TENM4: variants seen among roughly 807,000 people sequenced by gnomAD.
TENM4 encodes the protein teneurin-4.
A neutral mutation model predicts 243.3 loss-of-function variants in TENM4; 82 were observed. That is an observed-to-expected ratio of 0.34 (90% CI 0.28 to 0.40). The LOEUF (loss-of-function observed/expected upper bound fraction) is 0.40. TENM4 is among the 10% of genes least tolerant of loss of function. The probability of loss-of-function intolerance (pLI) is 1.00; values close to 1 mark genes in which losing one functional copy is unlikely to be tolerated. For missense variants in TENM4, 3,138 were observed against 3,673.3 expected (o/e 0.85, Z 3.77); for synonymous variants, 1,412 against 1,456.3 (o/e 0.97, Z 0.69).
At chr11:79,047,677 C>T (rs1323970650) in intron 6 of TENM4, among the ~76,000 whole-genome samples, 1 of 152,102 alleles carries the variant, frequency 6.6e-6, no homozygotes, top group Admixed American at 6.6e-5. Flanking sequence ...GTCAAGGGGG[C>T]CTAGGGTAGT....
At chr11:79,166,164 T>TGACACTCCA (rs1164592792) in intron 3 of TENM4, among the ~76,000 whole-genome samples, 1 of 152,196 alleles carries the variant, frequency 6.6e-6, no homozygotes, top group Non-Finnish European at 1.5e-5. Flanking sequence ...GAATCACACT[T>TGACACTCCA]GACACTCCAT....
chr11:78,970,522 A>G (rs1158234846), intron 6 of TENM4, among the ~76,000 whole-genome samples: 1 of 152,236 alleles, frequency 6.6e-6, no homozygotes, highest in Non-Finnish European at 1.5e-5. Flanking sequence ...CTTTTAGGGC[A>G]GTAAAGTACA....
intron 6 of TENM4, among the ~76,000 whole-genome samples, chr11:79,013,572 C>T (rs1858702687): frequency 6.6e-6 from 1 of 152,220 alleles, no homozygotes; most frequent in South Asian, 2.1e-4. Context: ...TGGAATCTCA[C>T]ACTTCCTCTG....
chr11:78,658,440 T>A lies in TENM4; in HGVS notation c.7928A>T (p.Asn2643Ile). The change falls in exon 34 of 34, where the codon AAT becomes ATT. Residue 2643 changes from asparagine to isoleucine, a missense_variant. Asn to Ile is a moderately radical substitution (Grantham distance 149). Around this residue, in one of 2 missense-constraint regions of TENM4, gnomAD observed 2,467 missense variants for 3,059.1 expected, o/e 0.81. Transcript: ENST00000278550. ...CTGGGACACAGTGACGTTGACCCCA[T>A]TCTCCAGGGTTCGCCGCCCCCCACT... ...GLSGGRRTLE[N>I]GVNVTVSQIN... is the part of the protein sequence containing the mutation. 1 of 1,613,874 alleles carries A rather than the reference T, an allele frequency of 6.2e-7. No homozygotes were observed. Among genetic ancestry groups the A allele is most frequent in the Admixed American group, 1.7e-5 (1 of 60,018 alleles).
chr11:79,215,405 T>C (rs1451438297), intron 3 of TENM4, among the ~76,000 whole-genome samples: 1 of 152,158 alleles, frequency 6.6e-6, no homozygotes, highest in African/African-American at 2.4e-5. Context: ...GCTCAACACA[T>C]AGCCACCAGA....
chr11:79,161,215 C>T (rs1591323648), intron 3 of TENM4, among the ~76,000 whole-genome samples: 2 of 152,346 alleles, frequency 1.3e-5, no homozygotes, highest in South Asian at 2.1e-4. Context: ...GCAGCCACGC[C>T]AGTGTCTACT....
intron 6 of TENM4, among the ~76,000 whole-genome samples, chr11:79,045,931 CCA>C (rs1450426151): frequency 1.3e-5 from 2 of 152,200 alleles, no homozygotes; most frequent in African/African-American, 4.8e-5. Flanking sequence ...CACGTGTTCC[CCA>C]GTCACACATT....
chr11:78,670,404 G>T lies in TENM4; in HGVS notation c.5941C>A (p.Pro1981Thr). 6.2e-7 allele frequency: 1 copy of T among 1,613,980 alleles called. No homozygotes were observed. The highest frequency in any genetic ancestry group is 8.5e-7 in the Non-Finnish European group (1 of 1,179,896). The change falls in exon 32 of 34, where the codon CCC (proline) becomes ACC (threonine). Residue 1981 changes from proline to threonine, a missense_variant. Around this residue, in one of 2 missense-constraint regions of TENM4, gnomAD observed 2,467 missense variants for 3,059.1 expected, o/e 0.81. Transcript: ENST00000278550. ...SVGYYRNIYQ[P>T]PEGNASVIQD... is the part of the protein sequence containing the mutation. ...ATGACTGAGGCATTGCCCTCAGGGG[G>T]CTGATAGATGTTTCTGTAGTAGCCC...
chr11:79,137,771 T>C (rs1445058817), intron 4 of TENM4, among the ~76,000 whole-genome samples: 2 of 152,176 alleles, frequency 1.3e-5, no homozygotes, highest in East Asian at 3.8e-4. Flanking sequence ...CTTTATGTAA[T>C]AGCATTTGGG....
intron 3 of TENM4, among the ~76,000 whole-genome samples, chr11:79,209,539 A>T (rs1335930383): frequency 6.6e-6 from 1 of 152,202 alleles, no homozygotes; most frequent in East Asian, 1.9e-4. Flanking sequence ...CAGGAATAGT[A>T]ATGAAGCTAA....
intron 2 of TENM4, among the ~76,000 whole-genome samples, chr11:79,276,340 A>G (rs935866192): frequency 6.6e-6 from 1 of 152,238 alleles, no homozygotes; most frequent in Non-Finnish European, 1.5e-5. Flanking sequence ...GTGCCGGGCT[A>G]TGTCTGCCTG....
intron 15 of TENM4, among the ~76,000 whole-genome samples, chr11:78,794,719 TAGA>T (rs1252110515): frequency 3.3e-5 from 5 of 152,144 alleles, no homozygotes; most frequent in South Asian, 2.1e-4. Context: ...GCAGAAAATG[TAGA>T]AGGAGATTGA....
At position 78,664,036 on chromosome 11, in the gene TENM4, T is replaced by C. The variant is rs534596796; in HGVS notation, c.7409-2445A>G. Among the ~76,000 whole-genome samples the C allele has an allele frequency of 2.2e-3, 341 of 152,322 alleles. 2 individuals carry two copies. Among genetic ancestry groups the C allele is most frequent in the African/African-American group, 6.6e-3 (276 of 41,564 alleles). ...AAATCATAGGAAAGAACATGGTAGC[T>C]GAAGCAAGACAAACCCAGTGTCCAA... is the stretch of plus-strand genomic sequence containing the variant. On this transcript the variant is annotated intron_variant, in intron 32 of 33. Coordinates refer to ENST00000278550, the MANE Select transcript of TENM4 (RefSeq NM_001098816.3).
chr11:79,023,693 C>G (rs970918574), intron 6 of TENM4, among the ~76,000 whole-genome samples: 1 of 152,088 alleles, frequency 6.6e-6, no homozygotes, highest in Non-Finnish European at 1.5e-5. Context: ...TAAAAAGCTA[C>G]ATAGTAATTG....
chr11:78,800,229 T>C (rs986179753), intron 15 of TENM4, among the ~76,000 whole-genome samples: 43 of 151,416 alleles, frequency 2.8e-4, no homozygotes, highest in African/African-American at 1.0e-3. Context: ...ATGGGAGGAG[T>C]TGTTCTGCTC....
At chr11:78,936,893 A>T (rs1459818877) in intron 6 of TENM4, among the ~76,000 whole-genome samples, 3 of 152,184 alleles carry the variant, frequency 2.0e-5, no homozygotes, top group Admixed American at 2.0e-4. Context: ...GGTGGGGTTC[A>T]CTTATAAGGG....
chr11:79,071,493 G>A (rs1860414681), intron 4 of TENM4, among the ~76,000 whole-genome samples: 1 of 152,052 alleles, frequency 6.6e-6, no homozygotes, highest in Non-Finnish European at 1.5e-5. Flanking sequence ...GGGTGGGGGT[G>A]TCTTGTGAAT....
intron 6 of TENM4, among the ~76,000 whole-genome samples, chr11:78,985,587 A>G (rs1311415338): frequency 1.3e-5 from 2 of 152,192 alleles, no homozygotes. Flanking sequence ...AAGAATTGCC[A>G]TACTTATCTT....
At chr11:79,381,608 T>C (rs1174420581) in intron 1 of TENM4, among the ~76,000 whole-genome samples, 1 of 150,110 alleles carries the variant, frequency 6.7e-6, no homozygotes, top group Non-Finnish European at 1.5e-5. Flanking sequence ...GTGTGCAAGG[T>C]AGACAGTGAG....
Sources: gnomAD v4.1 joint callset for allele counts (sites outside exome capture counted in the v4.1 genomes callset) on GRCh38, gnomAD v4.1.1 for gene constraint, gnomAD v4.1.1 regional missense constraint, MANE v1.5 for transcripts, NCBI Gene and HGNC (gene_info 2026-07-23, HGNC 2026-07-21) for gene names.